The following CPA6 variants were observed in gnomAD, a reference collection of about 807,000 sequenced individuals.
The protein encoded by CPA6 is carboxypeptidase B.
Under a neutral mutation model 63.3 loss-of-function variants are expected in CPA6, and 58 were observed. That is an observed-to-expected ratio of 0.92 (90% CI 0.74 to 1.14). CPA6 has a LOEUF of 1.14. Ranked by LOEUF, CPA6 falls within the 50% of genes most tolerant of loss-of-function variation. The pLI, the probability that CPA6 is intolerant of heterozygous loss-of-function variation, is 0.00. For synonymous variants in CPA6, 185 were observed against 179.0 expected, an observed-to-expected ratio of 1.03 and a Z score of -0.27; for missense variants, 565 against 526.6, an observed-to-expected ratio of 1.07 and a Z score of -0.71.
chr8:67,617,819 T>G (rs1455534437), intron 2 of CPA6, among the ~76,000 whole-genome samples: 1 of 152,228 alleles, frequency 6.6e-6, no homozygotes, highest in Non-Finnish European at 1.5e-5. Flanking sequence ...TATTTCCCTG[T>G]GGCTGTAGGA....
At chr8:67,738,642 C>T (rs983195365) in intron 1 of CPA6, among the ~76,000 whole-genome samples, 15 of 152,010 alleles carry the variant, frequency 9.9e-5, no homozygotes, top group Non-Finnish European at 2.1e-4. Flanking sequence ...AAAAAAAGAA[C>T]AAAGGCTATA....
At chr8:67,744,699 A>T (rs1176460399) in intron 1 of CPA6, among the ~76,000 whole-genome samples, 1 of 152,122 alleles carries the variant, frequency 6.6e-6, no homozygotes, top group Non-Finnish European at 1.5e-5. Context: ...TTTAAACATG[A>T]GCTTCTTTTT....
chr8:67,745,889 G>A (rs910910735), intron 1 of CPA6, 125 bp downstream of exon 1: 3 of 575,264 alleles, frequency 5.2e-6, no homozygotes, highest in Non-Finnish European at 9.3e-6. Flanking sequence ...TTATATAGAG[G>A]ACCGTGAAAG....
intron 1 of CPA6, among the ~76,000 whole-genome samples, chr8:67,671,027 C>A (rs562065196): frequency 6.6e-6 from 1 of 152,300 alleles, no homozygotes; most frequent in Admixed American, 6.5e-5. Flanking sequence ...GATGATAGAT[C>A]TGGAGGTATC....
At chr8:67,592,119 G>A (rs1028093401) in intron 2 of CPA6, among the ~76,000 whole-genome samples, 2 of 152,128 alleles carry the variant, frequency 1.3e-5, no homozygotes, top group Non-Finnish European at 2.9e-5. Context: ...TTTGTCAAAG[G>A]CCTTTTCTGC....
chr8:67,591,402 GT>G (rs1330393200), intron 2 of CPA6, among the ~76,000 whole-genome samples: 21 of 152,052 alleles, frequency 1.4e-4, no homozygotes, highest in Admixed American at 9.8e-4. Flanking sequence ...CTTTAAAGTA[GT>G]TTTTTCTAAT....
chr8:67,526,660 G>A (rs1812370277), intron 2 of CPA6, among the ~76,000 whole-genome samples: 1 of 152,120 alleles, frequency 6.6e-6, no homozygotes, highest in Admixed American at 6.6e-5. Flanking sequence ...GCACTATCAG[G>A]CCAGGTGGTT....
chr8:67,742,349 T>C (rs1391655617), intron 1 of CPA6, among the ~76,000 whole-genome samples: 3 of 152,100 alleles, frequency 2.0e-5, no homozygotes, highest in Non-Finnish European at 2.9e-5. Flanking sequence ...CAAGAGTAAA[T>C]CTTCCAGTTT....
chr8:67,602,922 A>G (rs1026025071), intron 2 of CPA6, among the ~76,000 whole-genome samples: 5 of 152,194 alleles, frequency 3.3e-5, no homozygotes, highest in African/African-American at 1.2e-4. Context: ...CCCTTGATAG[A>G]AAAGTGTTAC....
In CPA6 at chr8:67,637,551, A is replaced by G. The variant is rs757454905; in HGVS notation, c.117-13300T>C. ...ATGTTTCCACAGTGGAGAACAAACT[A>G]TTTATTCAATATTTATCCACGTAGC... On this transcript the variant is annotated intron_variant, in intron 1 of 10. Coordinates refer to ENST00000297770, the MANE Select transcript of CPA6 (RefSeq NM_020361.5). Among the ~76,000 whole-genome samples the G allele has an allele frequency of 4.0e-4, 60 of 151,646 alleles. No individual in the cohort carries two copies. In the Middle Eastern group the frequency reaches 0.017, roughly 43 times the overall value.
Position 67,736,565 on chromosome 8 carries a change from A to C in CPA6, c.116+9449T>G, listed in dbSNP as rs1817816772. Reference sequence around the variant, plus strand: ...TTAACTGACATCTCCTGTGTTTCTTACTCTGTTTCTAGACCTTTCTGCTAC... The same window carrying C: ...TTAACTGACATCTCCTGTGTTTCTTCCTCTGTTTCTAGACCTTTCTGCTAC... On this transcript the variant is annotated intron_variant, in intron 1 of 10. Coordinates refer to ENST00000297770, the MANE Select transcript of CPA6 (RefSeq NM_020361.5). Among the ~76,000 whole-genome samples, 4 of 151,428 alleles carry C rather than the reference A, an allele frequency of 2.6e-5. No individual in the cohort carries two copies. In the South Asian group the frequency reaches 8.3e-4, roughly 32 times the overall value.
intron 1 of CPA6, among the ~76,000 whole-genome samples, chr8:67,627,254 GT>G (rs1480252353): frequency 6.6e-6 from 1 of 152,056 alleles, no homozygotes; most frequent in Non-Finnish European, 1.5e-5. Context: ...TGCCCTGTTT[GT>G]TTCACCAAAC....
At chr8:67,725,473 T>G (rs929212153) in intron 1 of CPA6, among the ~76,000 whole-genome samples, 9 of 152,224 alleles carry the variant, frequency 5.9e-5, no homozygotes, top group Admixed American at 5.9e-4. Flanking sequence ...TCAATCTCCA[T>G]AGACTTTAAG....
intron 8 of CPA6, among the ~76,000 whole-genome samples, chr8:67,475,873 TTCTTTCTCC>T (rs1811202958): frequency 4.5e-5 from 4 of 88,696 alleles, no homozygotes; most frequent in East Asian, 3.1e-4. Flanking sequence ...CTTTCTTTCT[TTCTTTCTCC>T]TTTCTTTCTT....
intron 8 of CPA6, among the ~76,000 whole-genome samples, chr8:67,468,310 T>C (rs1336656161): frequency 1.3e-5 from 2 of 152,152 alleles, no homozygotes; most frequent in East Asian, 1.9e-4. Flanking sequence ...TGATGTGCCC[T>C]GGCTGGGCAC....
In CPA6 at chr8:67,518,018, G is replaced by A; in HGVS notation, c.222C>T (p.Ser74=). The change falls in exon 3 of 11, where the codon TCC becomes TCT. Residue 74 remains serine, a synonymous_variant. Transcript: ENST00000297770. Reference sequence around the variant, plus strand: ...CAGTAACTGTTCCCTCTGATACATAGGAGATACTGCTGGGCTGCCACAGGT... The same window carrying A: ...CAGTAACTGTTCCCTCTGATACATAAGAGATACTGCTGGGCTGCCACAGGT... ...KVDLWQPSSI[S]YVSEGTVTDV... is the part of the protein sequence containing the mutation. 15 of 1,609,592 alleles carry A rather than the reference G, an allele frequency of 9.3e-6. No individual in the cohort carries two copies. The highest frequency in any genetic ancestry group is 1.3e-5 in the Non-Finnish European group (15 of 1,178,410).
At chr8:67,433,279 C>T (rs1464244836) in intron 9 of CPA6, among the ~76,000 whole-genome samples, 1 of 152,186 alleles carries the variant, frequency 6.6e-6, no homozygotes, top group Non-Finnish European at 1.5e-5. Context: ...TAAGTACCAC[C>T]TGACTTCTAG....
intron 8 of CPA6, among the ~76,000 whole-genome samples, chr8:67,468,663 A>G (rs1372675101): frequency 2.0e-5 from 3 of 151,988 alleles, no homozygotes; most frequent in African/African-American, 7.3e-5. Context: ...GTGCCCTGTA[A>G]GTGGGCAATA....
chr8:67,432,284 T>G (rs139046265), intron 9 of CPA6, among the ~76,000 whole-genome samples: 2 of 152,210 alleles, frequency 1.3e-5, no homozygotes, highest in Non-Finnish European at 2.9e-5. Context: ...ATTAGACCTA[T>G]GTAATGAAAT....
Sources: gnomAD v4.1 joint callset for allele counts (sites outside exome capture counted in the v4.1 genomes callset) on GRCh38, gnomAD v4.1.1 for gene constraint, MANE v1.5 for transcripts, NCBI Gene and HGNC (gene_info 2026-07-23, HGNC 2026-07-21) for gene names.